Variants in SPAG1 observed in about 807,000 individuals in gnomAD.
SPAG1 encodes the protein sperm associated antigen 1, also known as sperm-associated antigen 1.
In SPAG1, 69 loss-of-function variants were observed where a neutral mutation model predicts 100.5. The observed-to-expected ratio is 0.69, with a 90% confidence interval of 0.57 to 0.84. The LOEUF (loss-of-function observed/expected upper bound fraction) is 0.84. Ranked by LOEUF, SPAG1 falls within the 40% of genes least tolerant of loss-of-function variation. The pLI is 0.00. For synonymous variants in SPAG1, 336 were observed against 411.6 expected (o/e 0.82, Z 2.22); for missense variants, 955 against 1,133.1 (o/e 0.84, Z 2.26).
intron 3 of SPAG1, among the ~76,000 whole-genome samples, chr8:100,175,575 G>A (rs1173438532): frequency 1.3e-5 from 2 of 152,056 alleles, no homozygotes; most frequent in Admixed American, 6.6e-5. Context: ...ATAAGCCACC[G>A]CACCCAGCTA....
intron 2 of SPAG1, among the ~76,000 whole-genome samples, chr8:100,163,574 T>G (rs1014450069): frequency 6.6e-6 from 1 of 152,138 alleles, no homozygotes; most frequent in African/African-American, 2.4e-5. Context: ...AAGACACTTG[T>G]GGAGCATGAA....
At chr8:100,198,579 G>GA (rs1176159040) in intron 10 of SPAG1, among the ~76,000 whole-genome samples, 11 of 152,088 alleles carry the variant, frequency 7.2e-5, no homozygotes, top group Non-Finnish European at 5.9e-5. Flanking sequence ...GGCTGAGATA[G>GA]AAAAAATAGT....
chr8:100,187,552 C>T (rs182027229), intron 8 of SPAG1, among the ~76,000 whole-genome samples: 15 of 152,032 alleles, frequency 9.9e-5, no homozygotes, highest in Non-Finnish European at 1.5e-4. Context: ...GTATCTTGGC[C>T]AGGCACAGTG....
intron 1 of SPAG1, among the ~76,000 whole-genome samples, chr8:100,161,988 G>C (rs188832800): frequency 1.3e-5 from 2 of 152,120 alleles, no homozygotes; most frequent in African/African-American, 4.8e-5. Context: ...TCTGCATCTC[G>C]TTATTGGGCC....
At chr8:100,189,827 C>T (rs2132275824) in intron 8 of SPAG1, among the ~76,000 whole-genome samples, 1 of 152,094 alleles carries the variant, frequency 6.6e-6, no homozygotes, top group South Asian at 2.1e-4. Flanking sequence ...ATAGAAATTC[C>T]CTTCAGAAAT....
intron 10 of SPAG1, among the ~76,000 whole-genome samples, chr8:100,204,723 T>C (rs547921588): frequency 7.8e-4 from 119 of 152,294 alleles, no homozygotes; most frequent in African/African-American, 2.7e-3. Flanking sequence ...AGATATACCC[T>C]TGATGAATGC....
chr8:100,194,592 A>G, intron 10 of SPAG1: 1 of 469,874 alleles, frequency 2.1e-6, no homozygotes. Context: ...ATTGTTTTGT[A>G]TATATCTACT....
intron 1 of SPAG1, among the ~76,000 whole-genome samples, chr8:100,159,275 C>A (rs1413436643): frequency 1.4e-4 from 22 of 152,296 alleles, no homozygotes. Context: ...CCTGTAACTT[C>A]TACCCTTGAG....
At chr8:100,171,756 G>C (rs1815862569) in intron 3 of SPAG1, among the ~76,000 whole-genome samples, 1 of 152,180 alleles carries the variant, frequency 6.6e-6, no homozygotes, top group Non-Finnish European at 1.5e-5. Context: ...CTTCTTTCAA[G>C]AATCACTGTC....
At position 100,168,699 on chromosome 8, in the gene SPAG1, G is replaced by GTTTTTTTTTTTTT. The variant is rs1199690445; in HGVS notation, c.300+2728_300+2729insTTTTTTTTTTTTT. On this transcript the variant is annotated intron_variant, in intron 3 of 18. Transcript: ENST00000388798. ...CATGCCCAGCCATCTTTTTTTTTTT[G>GTTTTTTTTTTTTT]TTGTTGAGACAGAGCTTTGCTCTTG... 4.7e-5 allele frequency among the ~76,000 whole-genome samples: 5 copies of GTTTTTTTTTTTTT among 107,214 alleles called. 1 individual carries two copies. Among genetic ancestry groups the GTTTTTTTTTTTTT allele is most frequent in the Non-Finnish European group, 9.0e-5 (5 of 55,518 alleles). The allele number at this position is 107,214 out of a possible 152,430, so 70.3% of individuals were successfully genotyped here. A position where few individuals can be genotyped will look rare whatever the true frequency, so the allele number is the denominator to read the frequency against.
At chr8:100,225,063 C>T (rs1190606044) in intron 13 of SPAG1, 110 bp from the exon 14 acceptor site, 20 of 708,562 alleles carry the variant, frequency 2.8e-5, no homozygotes, top group Non-Finnish European at 4.8e-5. Flanking sequence ...ATGTTTTCTA[C>T]AAGGAAGTAC....
intron 16 of SPAG1, among the ~76,000 whole-genome samples, chr8:100,237,953 C>T (rs1819079638): frequency 6.6e-6 from 1 of 152,166 alleles, no homozygotes; most frequent in African/African-American, 2.4e-5. Flanking sequence ...TGTAATCATC[C>T]ACCTTCTGGT....
chr8:100,187,851 G>C (rs778869073), intron 8 of SPAG1, among the ~76,000 whole-genome samples: 2 of 152,034 alleles, frequency 1.3e-5, no homozygotes, highest in Non-Finnish European at 2.9e-5. Flanking sequence ...AATTTTGTTT[G>C]TTTGTATGTT....
chr8:100,162,473 G>A (rs1251743794), intron 2 of SPAG1, 53 bp downstream of exon 2: 3 of 1,370,580 alleles, frequency 2.2e-6, no homozygotes, highest in Non-Finnish European at 3.0e-6. Context: ...TAATTATCTT[G>A]TTGTTACCTT....
chr8:100,221,154 T>TTGAA (rs375272303), intron 13 of SPAG1, among the ~76,000 whole-genome samples: 3 of 152,200 alleles, frequency 2.0e-5, no homozygotes, highest in African/African-American at 7.2e-5. Context: ...AACTGCTATG[T>TTGAA]TGAATCCTCT....
At chr8:100,170,613 T>C (rs2132216354) in intron 3 of SPAG1, among the ~76,000 whole-genome samples, 1 of 152,204 alleles carries the variant, frequency 6.6e-6, no homozygotes, top group African/African-American at 2.4e-5. Flanking sequence ...TACCTAATTT[T>C]AATTTCAATT....
chr8:100,239,775 C>T lies in SPAG1; in HGVS notation c.2280+371C>T, dbSNP rs1250251133. Among the ~76,000 whole-genome samples the T allele has an allele frequency of 6.6e-6, 1 of 152,234 alleles. No individual in the cohort carries two copies. The highest frequency in any genetic ancestry group is 1.5e-5 in the Non-Finnish European group (1 of 68,048). On this transcript the variant is annotated intron_variant, in intron 17 of 18. Coordinates refer to ENST00000388798, the MANE Select transcript of SPAG1 (RefSeq NM_003114.5). The surrounding 1 kb of genome is among the most constrained non-coding windows in gnomAD (Gnocchi z 5.0). Reference sequence around the variant, plus strand: ...TACAGGGGCCCTGAAAGCCTCACCTCATAGAGATTATCCAGATTGATTCAG... The same window carrying T: ...TACAGGGGCCCTGAAAGCCTCACCTTATAGAGATTATCCAGATTGATTCAG...
chr8:100,163,593 C>T (rs1349382974), intron 2 of SPAG1, among the ~76,000 whole-genome samples: 2 of 152,152 alleles, frequency 1.3e-5, no homozygotes, highest in African/African-American at 2.4e-5. Context: ...AACTGCTTTC[C>T]AGGACATCTA....
chr8:100,210,405 G>C (rs1012073612), intron 10 of SPAG1, among the ~76,000 whole-genome samples: 1 of 152,010 alleles, frequency 6.6e-6, no homozygotes, highest in Non-Finnish European at 1.5e-5. Context: ...GAATCTGTTC[G>C]CTAGTATTTT....
Sources: allele counts gnomAD v4.1 joint callset (sites outside exome capture counted in the v4.1 genomes callset), GRCh38; gene constraint gnomAD v4.1.1; non-coding constraint Gnocchi (gnomAD v3.1); transcripts MANE v1.5; gene names NCBI Gene and HGNC (gene_info 2026-07-23, HGNC 2026-07-21).